ARHGAP26: variants seen among roughly 807,000 people sequenced by gnomAD.
ARHGAP26 encodes the protein Rho GTPase activating protein 26.
Under a neutral mutation model 104.8 loss-of-function variants are expected in ARHGAP26, and 38 were observed. The observed-to-expected ratio is 0.36, with a 90% confidence interval of 0.28 to 0.48. ARHGAP26 has a LOEUF of 0.48. Among genes scored for constraint, ARHGAP26 ranks in the 20% least tolerant of loss-of-function variants. The pLI, the probability that ARHGAP26 is intolerant of heterozygous loss-of-function variation, is 0.99. For missense variants in ARHGAP26, 704 were observed against 947.9 expected (o/e 0.74, Z 3.38); for synonymous variants, 341 against 340.0 (o/e 1.00, Z -0.03).
At chr5:142,864,243 A>T (rs953532218) in intron 1 of ARHGAP26, among the ~76,000 whole-genome samples, 1 of 151,934 alleles carries the variant, frequency 6.6e-6, no homozygotes, top group Non-Finnish European at 1.5e-5. Flanking sequence ...GTCTTAACAC[A>T]CTCATTCTTT....
intron 19 of ARHGAP26, among the ~76,000 whole-genome samples, chr5:143,136,905 C>G (rs1445132265): frequency 6.6e-6 from 1 of 152,130 alleles, no homozygotes; most frequent in Non-Finnish European, 1.5e-5. Context: ...TATATATTTC[C>G]ATATAACAGT....
chr5:143,198,813 A>G (rs547422432), intron 20 of ARHGAP26, among the ~76,000 whole-genome samples: 19 of 152,304 alleles, frequency 1.2e-4, no homozygotes, highest in African/African-American at 4.6e-4. Context: ...ATTTGTGTAA[A>G]TAATTTCAAC....
chr5:143,031,176 G>A (rs549673231), intron 12 of ARHGAP26, among the ~76,000 whole-genome samples: 2 of 152,378 alleles, frequency 1.3e-5, no homozygotes, highest in South Asian at 4.1e-4. Context: ...AGCTGGCACA[G>A]TGGCCCCTGA....
chr5:142,813,472 C>G (rs561765154), intron 1 of ARHGAP26, among the ~76,000 whole-genome samples: 1 of 152,254 alleles, frequency 6.6e-6, no homozygotes, highest in South Asian at 2.1e-4. Context: ...ACAGGGGTGA[C>G]TTGGACAGTG....
intron 20 of ARHGAP26, among the ~76,000 whole-genome samples, chr5:143,173,968 G>A (rs1436727464): frequency 6.6e-6 from 1 of 152,244 alleles, no homozygotes; most frequent in African/African-American, 2.4e-5. Context: ...TTCAGTTGCT[G>A]TTTGAGGGCA....
chr5:143,013,026 T>A (rs1274149408), intron 11 of ARHGAP26, among the ~76,000 whole-genome samples: 4 of 152,154 alleles, frequency 2.6e-5, no homozygotes, highest in Admixed American at 1.3e-4. Context: ...GGGCAAACTG[T>A]GATCCAAAGA....
At chr5:143,153,717 C>T (rs1030542548) in intron 20 of ARHGAP26, among the ~76,000 whole-genome samples, 2 of 152,172 alleles carry the variant, frequency 1.3e-5, no homozygotes, top group African/African-American at 4.8e-5. Flanking sequence ...GTGGTCCCCA[C>T]CCCTAAAAAA....
At chr5:142,867,395 A>T (rs989667032) in intron 1 of ARHGAP26, among the ~76,000 whole-genome samples, 19 of 151,528 alleles carry the variant, frequency 1.3e-4, no homozygotes, top group African/African-American at 4.4e-4. Context: ...AAGGGACTGT[A>T]ACTTGCTTTT....
Position 143,225,045 on chromosome 5 carries a change from C to G in ARHGAP26, c.*2599C>G, listed in dbSNP as rs796864784. 6.2e-5 allele frequency: 14 copies of G among 224,906 alleles called. No homozygotes were observed. Among genetic ancestry groups the G allele is most frequent in the African/African-American group, 2.7e-4 (12 of 44,984 alleles). The allele number at this position is 224,906 out of a possible 1,614,324, so 13.9% of individuals were successfully genotyped here. On this transcript the variant is annotated 3_prime_UTR_variant, in exon 23 of 23. Transcript: ENST00000645722. ...AAAACTCGAGAAGAAAGGGAGTATA[C>G]TAGTAGGTTAGATCTGTGAACCTGA...
intron 4 of ARHGAP26, among the ~76,000 whole-genome samples, chr5:142,880,570 G>T (rs1172633343): frequency 6.6e-6 from 1 of 151,990 alleles, no homozygotes; most frequent in Non-Finnish European, 1.5e-5. Context: ...TCGGTAGAGT[G>T]TTAGAGGCTA....
intron 17 of ARHGAP26, chr5:143,103,282 AG>A (rs1417345088): frequency 1.0e-6 from 1 of 973,444 alleles, no homozygotes; most frequent in Non-Finnish European, 1.2e-6. Flanking sequence ...AACTTTTAAA[AG>A]TCAGGAAACA....
chr5:142,778,776 C>G (rs935444624), intron 1 of ARHGAP26, among the ~76,000 whole-genome samples: 6 of 152,162 alleles, frequency 3.9e-5, no homozygotes, highest in Admixed American at 1.3e-4. Flanking sequence ...AGCCCTTTGA[C>G]ATCTGTTGTT....
intron 14 of ARHGAP26, among the ~76,000 whole-genome samples, chr5:143,051,957 A>C (rs1785101495): frequency 6.6e-6 from 1 of 152,124 alleles, no homozygotes; most frequent in African/African-American, 2.4e-5. Context: ...GCAGCTCTCC[A>C]CGTGTCTTAG....
At chr5:143,091,966 GTTTTA>G (rs985103001) in intron 17 of ARHGAP26, among the ~76,000 whole-genome samples, 5 of 152,066 alleles carry the variant, frequency 3.3e-5, no homozygotes, top group Non-Finnish European at 7.4e-5. Context: ...TTTTACCAAA[GTTTTA>G]TTTTACTTTC....
chr5:143,148,772 G>A (rs1314302753), intron 20 of ARHGAP26, among the ~76,000 whole-genome samples: 5 of 152,000 alleles, frequency 3.3e-5, no homozygotes, highest in African/African-American at 1.2e-4. Context: ...TAGACTTTAG[G>A]GAGATTCTAT....
intron 17 of ARHGAP26, chr5:143,058,071 A>G (rs1407338008): frequency 1.8e-6 from 1 of 544,724 alleles, no homozygotes; most frequent in Non-Finnish European, 3.6e-6. Flanking sequence ...ATTTTGTGGG[A>G]TTATATGTTC....
intron 1 of ARHGAP26, among the ~76,000 whole-genome samples, chr5:142,810,189 G>C (rs1307294363): frequency 6.6e-6 from 1 of 152,208 alleles, no homozygotes; most frequent in Non-Finnish European, 1.5e-5. Flanking sequence ...CAGGGGAACA[G>C]ATCACAGAGG....
Position 143,228,249 on chromosome 5 carries a change from ATG to A in ARHGAP26, c.*5811_*5812del, listed in dbSNP as rs1354447135. 6 of 224,072 alleles carry A rather than the reference ATG, an allele frequency of 2.7e-5. No individual in the cohort carries two copies. Among genetic ancestry groups the A allele is most frequent in the South Asian group, 1.8e-4 (1 of 5,438 alleles). 13.9% of individuals were successfully genotyped at this position (224,072 alleles called of 1,614,324 possible). On this transcript the variant is annotated 3_prime_UTR_variant, in exon 23 of 23. Transcript: ENST00000645722. ...CTAAAGTATATTTATGTGTGTGTGT[ATG>A]TGTGTGTATACAGCACATATTTACA...
At chr5:143,014,165 C>T (rs1213624502) in intron 12 of ARHGAP26, 49 bp downstream of exon 12, 2 of 1,605,228 alleles carry the variant, frequency 1.2e-6, no homozygotes, top group Non-Finnish European at 1.7e-6. Context: ...TGGGAGTAGG[C>T]TTTGAGAAGT....
Sources: gnomAD v4.1 joint callset for allele counts (sites outside exome capture counted in the v4.1 genomes callset) on GRCh38, gnomAD v4.1.1 for gene constraint, MANE v1.5 for transcripts, NCBI Gene and HGNC (gene_info 2026-07-23, HGNC 2026-07-21) for gene names.